HSD17B6: variants seen among roughly 807,000 people sequenced by gnomAD.
HSD17B6 encodes hydroxysteroid 17-beta dehydrogenase 6, also known as 17-beta-hydroxysteroid dehydrogenase type 6.
In HSD17B6, 16 loss-of-function variants were observed where a neutral mutation model predicts 26.4. The observed-to-expected ratio is 0.61, with a 90% CI of 0.41 to 0.92. HSD17B6 has a LOEUF of 0.92. Among genes scored for constraint, HSD17B6 ranks in the 40% least tolerant of loss-of-function variants. The probability of loss-of-function intolerance (pLI) is 0.00; values close to 1 mark genes in which losing one functional copy is unlikely to be tolerated. For missense variants in HSD17B6, 357 were observed against 386.1 expected (o/e 0.92, Z 0.63); for synonymous variants, 139 against 153.0 (o/e 0.91, Z 0.68).
Position 56,782,235 on chromosome 12 carries a change from A to G in HSD17B6, c.572+3A>G. On this transcript the variant is annotated splice_donor_region_variant and intron_variant, in intron 3 of 4. Coordinates refer to ENST00000322165, the MANE Select transcript of HSD17B6 (RefSeq NM_003725.4). ...GAAGCCTTTTCAGATATTCTGAGGT[A>G]ACTTAAGTTAAAACAAAAACAGCTA... 1 of 1,612,130 alleles carries G rather than the reference A, an allele frequency of 6.2e-7. No individual in the cohort carries two copies. Among genetic ancestry groups the G allele is most frequent in the Non-Finnish European group, 8.5e-7 (1 of 1,179,180 alleles).
At chr12:56,772,691 C>CT (rs1211578410) in intron 1 of HSD17B6, among the ~76,000 whole-genome samples, 8 of 129,280 alleles carry the variant, frequency 6.2e-5, no homozygotes, top group Non-Finnish European at 4.7e-5. Flanking sequence ...GAGTGAAACT[C>CT]TGTCTCAAAA....
At position 56,781,974 on chromosome 12, in the gene HSD17B6, G is replaced by T. The variant is rs1954723919; in HGVS notation, c.314G>T (p.Gly105Val). The change falls in exon 3 of 5, where the codon GGA becomes GTA. Residue 105 changes from glycine to valine, a missense_variant and splice_region_variant. Transcript: ENST00000322165. ...CTGATATGACTTTTAATTGTTTTAG[G>T]ACTCTGGGGACTGGTGAACAATGCA... ...QWVKEHVGDRGLWGLVNNAGI... is the reference protein window; with the variant it reads ...QWVKEHVGDRVLWGLVNNAGI... 1.9e-6 allele frequency: 3 copies of T among 1,613,174 alleles called. No homozygotes were observed. The highest frequency in any genetic ancestry group is 2.2e-5 in the South Asian group (2 of 90,858).
intron 1 of HSD17B6, among the ~76,000 whole-genome samples, chr12:56,768,364 G>A (rs1439614691): frequency 2.0e-5 from 3 of 151,954 alleles, no homozygotes; most frequent in African/African-American, 7.3e-5. Context: ...GAAAATAGAG[G>A]GCCTGTGCTT....
At chr12:56,770,852 CCT>C (rs1291610032) in intron 1 of HSD17B6, among the ~76,000 whole-genome samples, 3 of 152,068 alleles carry the variant, frequency 2.0e-5, no homozygotes, top group Non-Finnish European at 4.4e-5. Flanking sequence ...TTTTTTGTCC[CCT>C]CTGTCTAGTA....
Position 56,774,171 on chromosome 12 carries a change from A to T in HSD17B6, c.313+6A>T. On this transcript the variant is annotated splice_donor_region_variant and intron_variant, in intron 2 of 4. Transcript: ENST00000322165. ...GGAGCATGTGGGGGACAGAGGTATG[A>T]AATATTTTCTCCTTTTATTTACTTA... 1 of 1,533,362 alleles carries T rather than the reference A, an allele frequency of 6.5e-7. No individual in the cohort carries two copies. The highest frequency in any genetic ancestry group is 2.3e-5 in the East Asian group (1 of 44,110). The allele number at this position is 1,533,362 out of a possible 1,614,324, so 95.0% of individuals were successfully genotyped here. A position where few individuals can be genotyped will look rare whatever the true frequency, so the allele number is the denominator to read the frequency against.
At position 56,773,912 on chromosome 12, in the gene HSD17B6, G is replaced by A. The variant is rs1335446748; in HGVS notation, c.60G>A (p.Glu20=). ...GLYYLLHWYR[E]RQVVSHLQDK... Reference sequence around the variant, plus strand: ...ACTACCTTCTGCACTGGTACCGGGAGAGGCAGGTGGTGAGCCACCTCCAAG... The same window carrying A: ...ACTACCTTCTGCACTGGTACCGGGAAAGGCAGGTGGTGAGCCACCTCCAAG... The change falls in exon 2 of 5, where the codon GAG becomes GAA. Residue 20 remains glutamate, a synonymous_variant. Transcript: ENST00000322165. 1 of 1,613,076 alleles carries A rather than the reference G, an allele frequency of 6.2e-7. No individual in the cohort carries two copies. Among genetic ancestry groups the A allele is most frequent in the Non-Finnish European group, 8.5e-7 (1 of 1,179,294 alleles).
intron 1 of HSD17B6, among the ~76,000 whole-genome samples, chr12:56,766,601 G>C (rs1954335688): frequency 6.6e-6 from 1 of 152,202 alleles, no homozygotes; most frequent in Non-Finnish European, 1.5e-5. Context: ...TAAGGTTTTA[G>C]ATTTAGATTT....
chr12:56,787,333 G>A lies in HSD17B6; in HGVS notation c.945G>A (p.Gln315=). 1 of 1,612,208 alleles carries A rather than the reference G, an allele frequency of 6.2e-7. No homozygotes were observed. The highest frequency in any genetic ancestry group is 8.5e-7 in the Non-Finnish European group (1 of 1,178,608). Residue 315 remains glutamine, a synonymous_variant, in exon 5 of 5, where the codon CAG becomes CAA. Coordinates refer to ENST00000322165, the MANE Select transcript of HSD17B6 (RefSeq NM_003725.4). ...CTAGATCTTGGCCCAAACCAGCCCA[G>A]GCAGTCTAAAGAAAACTGGGTTGGT... is the stretch of plus-strand genomic sequence containing the variant. ...ILTRSWPKPA[Q]AV
intron 1 of HSD17B6, among the ~76,000 whole-genome samples, chr12:56,763,810 A>G (rs190818410): frequency 2.0e-5 from 3 of 152,144 alleles, no homozygotes; most frequent in Middle Eastern, 3.4e-3. Context: ...TGATTGGGCC[A>G]AGATCCCAGA....
chr12:56,785,046 G>C (rs369928751), intron 4 of HSD17B6, 30 bp downstream of exon 4: 2 of 1,592,018 alleles, frequency 1.3e-6, no homozygotes, highest in Non-Finnish European at 1.7e-6. Flanking sequence ...TAGGGATAAT[G>C]GGTACCCTGT....
At position 56,787,312 on chromosome 12, in the gene HSD17B6, A is replaced by C. The variant is rs1954901466; in HGVS notation, c.924A>C (p.Arg308Ser). ...CACTGGCAGACTACATTTTGACTAG[A>C]TCTTGGCCCAAACCAGCCCAGGCAG... Reference protein sequence around the residue: ...PTSLADYILTRSWPKPAQAV With the variant: ...PTSLADYILTSSWPKPAQAV Residue 308 changes from arginine to serine, a missense_variant, in exon 5 of 5, where the codon AGA becomes AGC. Physicochemically the swap from Arg to Ser is moderately radical, Grantham distance 110 (BLOSUM62 -1). Transcript: ENST00000322165. 2 of 1,614,016 alleles carry C rather than the reference A, an allele frequency of 1.2e-6. No individual in the cohort carries two copies. Among genetic ancestry groups the C allele is most frequent in the East Asian group, 2.2e-5 (1 of 44,890 alleles).
intron 2 of HSD17B6, among the ~76,000 whole-genome samples, chr12:56,777,788 G>A (rs368200217): frequency 2.3e-4 from 35 of 152,202 alleles, no homozygotes; most frequent in Admixed American, 1.4e-3. Context: ...TTGGGAGGCC[G>A]GGGTGGGAGG....
At chr12:56,778,833 C>T (rs988164982) in intron 2 of HSD17B6, among the ~76,000 whole-genome samples, 2 of 151,782 alleles carry the variant, frequency 1.3e-5, no homozygotes, top group Admixed American at 1.3e-4. Flanking sequence ...CGCCATCAGG[C>T]CCGGCTAATT....
At chr12:56,779,827 CCTT>C (rs1954674609) in intron 2 of HSD17B6, among the ~76,000 whole-genome samples, 1 of 94,136 alleles carries the variant, frequency 1.1e-5, no homozygotes, top group Non-Finnish European at 2.1e-5. Flanking sequence ...GCTCATTATT[CCTT>C]CTTGAATTTT....
intron 1 of HSD17B6, among the ~76,000 whole-genome samples, chr12:56,768,941 A>T (rs1954405963): frequency 6.6e-6 from 1 of 151,778 alleles, no homozygotes; most frequent in Admixed American, 6.6e-5. Context: ...ACCTGTGCTG[A>T]ATAAGGAGGC....
chr12:56,781,188 G>A (rs923219931), intron 2 of HSD17B6, among the ~76,000 whole-genome samples: 1 of 152,034 alleles, frequency 6.6e-6, no homozygotes, highest in African/African-American at 2.4e-5. Flanking sequence ...TTCAAATACT[G>A]CCTTTATTCC....
rs1172098060 is a variant in HSD17B6, at chr12:56,785,052, C to T, written c.736+36C>T. 6 of 1,576,496 alleles carry T rather than the reference C, an allele frequency of 3.8e-6. No individual in the cohort carries two copies. In the African/African-American group the frequency reaches 6.8e-5, roughly 18 times the overall value. Reference sequence around the variant, plus strand: ...TTCTTTTGATAGGGATAATGGGTACCCTGTATTAGTCCATTCTCATGCTGC... The same window carrying T: ...TTCTTTTGATAGGGATAATGGGTACTCTGTATTAGTCCATTCTCATGCTGC... On this transcript the variant is annotated intron_variant, in intron 4 of 4. Transcript: ENST00000322165.
intron 1 of HSD17B6, among the ~76,000 whole-genome samples, chr12:56,763,823 T>A (rs1473868941): frequency 2.0e-5 from 3 of 151,850 alleles, no homozygotes; most frequent in Non-Finnish European, 4.4e-5. Context: ...ATCCCAGAAC[T>A]CTGAGAGGTT....
At chr12:56,780,721 C>T (rs887724658) in intron 2 of HSD17B6, among the ~76,000 whole-genome samples, 1 of 151,300 alleles carries the variant, frequency 6.6e-6, no homozygotes, top group African/African-American at 2.4e-5. Context: ...ATTAGCCGGG[C>T]GTCTGTAGTC....
Sources: gnomAD v4.1 joint callset for allele counts (sites outside exome capture counted in the v4.1 genomes callset) on GRCh38, gnomAD v4.1.1 for gene constraint, MANE v1.5 for transcripts, NCBI Gene and HGNC (gene_info 2026-07-23, HGNC 2026-07-21) for gene names.